OPRM1: variants seen among roughly 807,000 people sequenced by gnomAD.
OPRM1 encodes the protein opioid receptor mu 1.
A neutral mutation model predicts 31.8 loss-of-function variants in OPRM1; 27 were observed. The observed-to-expected ratio is 0.85, with a 90% CI of 0.63 to 1.17. The LOEUF (loss-of-function observed/expected upper bound fraction) is 1.17. Ranked by LOEUF, OPRM1 falls within the 50% of genes most tolerant of loss-of-function variation. The probability of loss-of-function intolerance (pLI) is 0.00; values close to 1 mark genes in which losing one functional copy is unlikely to be tolerated. For synonymous variants in OPRM1, 196 were observed against 189.9 expected (o/e 1.03, Z -0.26); for missense variants, 536 against 511.1 (o/e 1.05, Z -0.47).
intron 1 of OPRM1, among the ~76,000 whole-genome samples, chr6:154,040,635 A>G (rs529913452): frequency 6.6e-6 from 1 of 152,282 alleles, no homozygotes; most frequent in South Asian, 2.1e-4. Context: ...TGCCTTCACA[A>G]GTTGGAGCTA....
Position 154,118,716 on chromosome 6 carries a change from C to G in OPRM1, c.1198C>G (p.Pro400Ala). ...ENLEAETAPL[P>A] ...TCTGGAAGCAGAAACTGCTCCGTTG[C>G]CCTAACAGGGTCTCATGCCATTCCG... The change falls in exon 4 of 4, where the codon CCC (proline) becomes GCC (alanine). Residue 400 changes from proline to alanine, a missense_variant. Physicochemically the swap from Pro to Ala is conservative, Grantham distance 27. Transcript: ENST00000330432. 1 of 1,613,162 alleles carries G rather than the reference C, an allele frequency of 6.2e-7. No homozygotes were observed. The highest frequency in any genetic ancestry group is 2.2e-5 in the East Asian group (1 of 44,880).
intron 3 of OPRM1, chr6:154,157,306 C>T (rs1462684306): frequency 6.6e-6 from 1 of 152,344 alleles, no homozygotes; most frequent in African/African-American, 2.4e-5. Context: ...CTAGCACAAC[C>T]TGGTCAAAAG....
chr6:154,043,524 T>G (rs1780489169), intron 1 of OPRM1, among the ~76,000 whole-genome samples: 1 of 138,816 alleles, frequency 7.2e-6, no homozygotes, highest in Admixed American at 7.3e-5. Context: ...TAAGGATATA[T>G]ATGTGTGTGT....
At chr6:154,052,218 G>A (rs1021707557) in intron 1 of OPRM1, among the ~76,000 whole-genome samples, 1 of 152,040 alleles carries the variant, frequency 6.6e-6, no homozygotes, top group African/African-American at 2.4e-5. Flanking sequence ...AGGACAAATA[G>A]CTAATGCATG....
intron 3 of OPRM1, among the ~76,000 whole-genome samples, chr6:154,174,013 AT>A (rs1800092064): frequency 6.6e-6 from 1 of 152,228 alleles, no homozygotes; most frequent in South Asian, 2.1e-4. Context: ...GTGGGGGCCA[AT>A]ATTCAACATT....
At chr6:154,193,808 C>T (rs1384607678) in intron 3 of OPRM1, among the ~76,000 whole-genome samples, 1 of 152,164 alleles carries the variant, frequency 6.6e-6, no homozygotes, top group Admixed American at 6.5e-5. Context: ...TAGAAATGAC[C>T]CCAGCATCAA....
chr6:154,105,983 C>T (rs1044142466), intron 3 of OPRM1, among the ~76,000 whole-genome samples: 6 of 152,088 alleles, frequency 3.9e-5, no homozygotes, highest in Non-Finnish European at 4.4e-5. Context: ...GATCAGTGCT[C>T]TAGGAAAAAG....
chr6:154,149,059 G>A (rs1798428270), intron 3 of OPRM1, among the ~76,000 whole-genome samples: 1 of 152,276 alleles, frequency 6.6e-6, no homozygotes, highest in South Asian at 2.1e-4. Flanking sequence ...GAAGGACTAG[G>A]GGAATTGCCT....
chr6:154,202,965 T>C (rs1400196389), intron 3 of OPRM1, among the ~76,000 whole-genome samples: 2 of 151,932 alleles, frequency 1.3e-5, no homozygotes, highest in African/African-American at 2.4e-5. Flanking sequence ...GGAAAAGAGA[T>C]TGATAAAATA....
chr6:154,148,942 G>A (rs1184452031), intron 3 of OPRM1, among the ~76,000 whole-genome samples: 2 of 152,164 alleles, frequency 1.3e-5, no homozygotes, highest in African/African-American at 4.8e-5. Context: ...GTAGTTCCTG[G>A]AAATCAGAAA....
intron 1 of OPRM1, among the ~76,000 whole-genome samples, chr6:154,016,971 A>G (rs1778040152): frequency 6.6e-6 from 1 of 152,206 alleles, no homozygotes; most frequent in African/African-American, 2.4e-5. Flanking sequence ...TGTTCCCTTA[A>G]TGGATATGAT....
At chr6:154,153,147 A>G (rs1251729421) in intron 3 of OPRM1, among the ~76,000 whole-genome samples, 1 of 152,136 alleles carries the variant, frequency 6.6e-6, no homozygotes, top group Non-Finnish European at 1.5e-5. Flanking sequence ...GGGGTGTGAA[A>G]AAGGACTTTC....
intron 3 of OPRM1, among the ~76,000 whole-genome samples, chr6:154,186,797 C>T (rs1247132536): frequency 1.3e-5 from 2 of 152,072 alleles, no homozygotes; most frequent in African/African-American, 4.8e-5. Flanking sequence ...ACCTCGTGAT[C>T]CACCTGCCTC....
chr6:154,202,661 T>C (rs1777165600), intron 3 of OPRM1, among the ~76,000 whole-genome samples: 1 of 152,224 alleles, frequency 6.6e-6, no homozygotes, highest in South Asian at 2.1e-4. Flanking sequence ...GCTACAGGAC[T>C]GTCTGTAAGG....
chr6:154,031,994 GC>G (rs1779035464), intron 1 of OPRM1, among the ~76,000 whole-genome samples: 1 of 152,294 alleles, frequency 6.6e-6, no homozygotes, highest in Admixed American at 6.5e-5. Flanking sequence ...AGCATGATCA[GC>G]AAGGGCACAG....
chr6:154,040,268 G>T (rs954934323), intron 1 of OPRM1, among the ~76,000 whole-genome samples: 1 of 151,094 alleles, frequency 6.6e-6, no homozygotes, highest in Non-Finnish European at 1.5e-5. Flanking sequence ...GGTTGGGGCC[G>T]GTGTGTGTGT....
chr6:154,041,701 T>A (rs899468190), intron 1 of OPRM1, among the ~76,000 whole-genome samples: 8 of 152,170 alleles, frequency 5.3e-5, no homozygotes, highest in African/African-American at 1.9e-4. Flanking sequence ...CAGAGTGGGT[T>A]GATATAGCAA....
At chr6:154,087,558 A>T in intron 1 of OPRM1, 1 of 985,442 alleles carries the variant, frequency 1.0e-6, no homozygotes, top group Non-Finnish European at 1.2e-6. Context: ...CAGCAACTAC[A>T]TACCATGCGT....
In OPRM1 at chr6:154,087,191, G is replaced by A. The variant is rs970581503; in HGVS notation, c.291-2635G>A. On this transcript the variant is annotated intron_variant, in intron 1 of 3. Coordinates refer to ENST00000330432, the MANE Select transcript of OPRM1 (RefSeq NM_000914.5). ...TCTGGCAGTAATGCAGCTTCTGCAA[G>A]TATTGCAGACCAGATCAGGTATCAG... is the stretch of plus-strand genomic sequence containing the variant. The A allele has an allele frequency of 7.1e-6, 7 of 985,080 alleles. No individual in the cohort carries two copies. In the African/African-American group the frequency reaches 1.2e-4, roughly 17 times the overall value. The allele number at this position is 985,080 out of a possible 1,614,324, so 61.0% of individuals were successfully genotyped here. A position where few individuals can be genotyped will look rare whatever the true frequency, so the allele number is the denominator to read the frequency against.
Sources: gnomAD v4.1 joint callset for allele counts (sites outside exome capture counted in the v4.1 genomes callset) on GRCh38, gnomAD v4.1.1 for gene constraint, MANE v1.5 for transcripts, NCBI Gene and HGNC (gene_info 2026-07-23, HGNC 2026-07-21) for gene names.